The following SORCS3 variants were observed in gnomAD, a reference collection of about 807,000 sequenced individuals.
SORCS3 encodes VPS10 domain-containing receptor SorCS3.
Under a neutral mutation model 146.3 loss-of-function variants are expected in SORCS3, and 57 were observed. That is an observed-to-expected ratio of 0.39 (90% CI 0.31 to 0.49). The LOEUF (loss-of-function observed/expected upper bound fraction) is 0.49. Among genes scored for constraint, SORCS3 ranks in the 20% least tolerant of loss-of-function variants. The pLI, the probability that SORCS3 is intolerant of heterozygous loss-of-function variation, is 0.92. For missense variants in SORCS3, 1,341 were observed against 1,575.5 expected (o/e 0.85, Z 2.52); for synonymous variants, 653 against 618.5 (o/e 1.06, Z -0.83).
Position 105,263,443 on chromosome 10 carries a change from A to G in SORCS3, c.*69A>G, listed in dbSNP as rs1377207317. Reference sequence around the variant, plus strand: ...TTTGATGATTACTATTACTATTATTATGGAAAAATTAAAATGTCTTTTTTA... The same window carrying G: ...TTTGATGATTACTATTACTATTATTGTGGAAAAATTAAAATGTCTTTTTTA... On this transcript the variant is annotated 3_prime_UTR_variant, in exon 27 of 27. Coordinates refer to ENST00000369701, the MANE Select transcript of SORCS3 (RefSeq NM_014978.3). 2.3e-5 allele frequency: 33 copies of G among 1,451,502 alleles called. No homozygotes were observed. The highest frequency in any genetic ancestry group is 3.0e-5 in the Non-Finnish European group (31 of 1,044,686). 89.9% of individuals were successfully genotyped at this position (1,451,502 alleles called of 1,614,324 possible).
chr10:104,848,218 T>A (rs975864052), intron 2 of SORCS3, among the ~76,000 whole-genome samples: 6 of 152,148 alleles, frequency 3.9e-5, no homozygotes, highest in Non-Finnish European at 7.4e-5. Context: ...TGTCTCATAC[T>A]CCTGCCACTT....
chr10:104,738,711 G>A (rs2016806980), intron 1 of SORCS3, among the ~76,000 whole-genome samples: 1 of 152,144 alleles, frequency 6.6e-6, no homozygotes, highest in African/African-American at 2.4e-5. Flanking sequence ...GAAATGAAAT[G>A]GCTTTCAGGT....
At chr10:104,802,198 T>C (rs950779568) in intron 1 of SORCS3, among the ~76,000 whole-genome samples, 6 of 152,186 alleles carry the variant, frequency 3.9e-5, no homozygotes, top group African/African-American at 1.4e-4. Context: ...TCTGGCTCTC[T>C]GAAGCCAAGA....
intron 4 of SORCS3, among the ~76,000 whole-genome samples, chr10:104,991,891 T>A (rs948179383): frequency 1.3e-5 from 2 of 152,138 alleles, no homozygotes; most frequent in Non-Finnish European, 2.9e-5. Flanking sequence ...AAAGACCCAG[T>A]CTCCATATAT....
chr10:104,940,222 ATATATATATATATATATT>A (rs1345347139), intron 3 of SORCS3, among the ~76,000 whole-genome samples: 18 of 17,008 alleles, frequency 1.1e-3, no homozygotes, highest in African/African-American at 4.5e-3. Flanking sequence ...ATATATATAT[ATATATATATATATATATT>A]TTTTTTTTTT....
intron 3 of SORCS3, among the ~76,000 whole-genome samples, chr10:104,958,017 TGA>T (rs2133632263): frequency 6.6e-6 from 1 of 152,234 alleles, no homozygotes; most frequent in South Asian, 2.1e-4. Context: ...TAGAGCAGGA[TGA>T]GAGAACACCC....
chr10:104,874,092 T>C (rs2133569978), intron 2 of SORCS3, among the ~76,000 whole-genome samples: 1 of 152,296 alleles, frequency 6.6e-6, no homozygotes, highest in South Asian at 2.1e-4. Flanking sequence ...ATCCTGAACA[T>C]GGCCAAGCAA....
At chr10:105,170,163 G>A (rs10509788) in intron 13 of SORCS3, among the ~76,000 whole-genome samples, 13,874 of 152,082 alleles carry the variant, frequency 0.091, 778 homozygotes, top group Admixed American at 0.16. Context: ...GTCAAATATT[G>A]GCATCCTTAC....
intron 20 of SORCS3, among the ~76,000 whole-genome samples, chr10:105,242,371 TAC>T (rs1479358598): frequency 8.2e-6 from 1 of 121,586 alleles, no homozygotes; most frequent in African/African-American, 3.2e-5. Flanking sequence ...TATATATTTA[TAC>T]ATATATTTAT....
intron 4 of SORCS3, among the ~76,000 whole-genome samples, chr10:104,998,802 A>G (rs1325623081): frequency 6.6e-6 from 1 of 152,118 alleles, no homozygotes; most frequent in Non-Finnish European, 1.5e-5. Context: ...GCCCTTGAGT[A>G]ATATGAAGTG....
At chr10:104,878,217 C>A (rs2133573456) in intron 2 of SORCS3, among the ~76,000 whole-genome samples, 1 of 152,116 alleles carries the variant, frequency 6.6e-6, no homozygotes, top group South Asian at 2.1e-4. Context: ...TCTTGGGATA[C>A]AGATGTGGAC....
intron 5 of SORCS3, among the ~76,000 whole-genome samples, chr10:105,051,011 A>G (rs2133710647): frequency 6.6e-6 from 1 of 152,214 alleles, no homozygotes; most frequent in African/African-American, 2.4e-5. Context: ...TTGACAGTTG[A>G]TCAGCAAACC....
intron 3 of SORCS3, among the ~76,000 whole-genome samples, chr10:104,963,702 GTC>G: frequency 6.6e-6 from 1 of 152,108 alleles, no homozygotes; most frequent in East Asian, 1.9e-4. Context: ...TCTACTTAAC[GTC>G]TCTGTTTGGA....
chr10:104,854,670 C>T (rs1234058093), intron 2 of SORCS3, among the ~76,000 whole-genome samples: 1 of 152,090 alleles, frequency 6.6e-6, no homozygotes, highest in Non-Finnish European at 1.5e-5. Context: ...TCCATCACTA[C>T]AGGAATCTCT....
chr10:104,672,035 A>T (rs2015861623), intron 1 of SORCS3, among the ~76,000 whole-genome samples: 1 of 152,188 alleles, frequency 6.6e-6, no homozygotes, highest in Admixed American at 6.5e-5. Flanking sequence ...TTTTTGGAAA[A>T]GTTTAAGAAG....
intron 5 of SORCS3, among the ~76,000 whole-genome samples, chr10:105,070,064 A>G (rs2055546971): frequency 6.6e-6 from 1 of 152,168 alleles, no homozygotes; most frequent in African/African-American, 2.4e-5. Flanking sequence ...ATTATCAAAC[A>G]TGTACATATA....
At chr10:105,108,300 TGGGTTCAGGAGCGG>T (rs976599878) in intron 7 of SORCS3, among the ~76,000 whole-genome samples, 17 of 152,094 alleles carry the variant, frequency 1.1e-4, no homozygotes, top group African/African-American at 4.1e-4. Flanking sequence ...GATTTGAGTC[TGGGTTCAGGAGCGG>T]GGGTTCGTCA....
intron 5 of SORCS3, among the ~76,000 whole-genome samples, chr10:105,055,391 G>A (rs926474309): frequency 2.4e-4 from 37 of 152,066 alleles, no homozygotes; most frequent in African/African-American, 8.5e-4. Flanking sequence ...AAACACCTGC[G>A]GGGATATTTG....
intron 2 of SORCS3, among the ~76,000 whole-genome samples, chr10:104,849,597 TG>T (rs1383890633): frequency 6.6e-6 from 1 of 152,158 alleles, no homozygotes; most frequent in East Asian, 1.9e-4. Flanking sequence ...CCTTGAGCAA[TG>T]TTTTCATCTC....
Sources: gnomAD v4.1 joint callset for allele counts (sites outside exome capture counted in the v4.1 genomes callset) on GRCh38, gnomAD v4.1.1 for gene constraint, MANE v1.5 for transcripts, NCBI Gene and HGNC (gene_info 2026-07-23, HGNC 2026-07-21) for gene names.